The following FUT8 variants were observed in gnomAD, a reference collection of about 807,000 sequenced individuals.
FUT8 encodes alpha-(1,6)-fucosyltransferase.
A neutral mutation model predicts 71.3 loss-of-function variants in FUT8; 29 were observed. The ratio of observed to expected loss-of-function variants is 0.41; its 90% CI spans 0.30 to 0.55. FUT8 has a LOEUF of 0.55. Among genes scored for constraint, FUT8 ranks in the 20% least tolerant of loss-of-function variants. The pLI is 0.34. For synonymous variants in FUT8, 254 were observed against 239.3 expected, an observed-to-expected ratio of 1.06 and a Z score of -0.57; for missense variants, 544 against 702.1, an observed-to-expected ratio of 0.77 and a Z score of 2.55.
intron 1 of FUT8, among the ~76,000 whole-genome samples, chr14:65,424,576 C>T: frequency 7.5e-6 from 1 of 132,904 alleles, no homozygotes; most frequent in Non-Finnish European, 1.5e-5. Flanking sequence ...CTCATTCTGT[C>T]ACCCAGGCTG....
intron 7 of FUT8, among the ~76,000 whole-genome samples, chr14:65,680,968 T>C (rs560559412): frequency 1.3e-5 from 2 of 152,338 alleles, no homozygotes; most frequent in African/African-American, 2.4e-5. Context: ...TTGTGTACTT[T>C]TACTGATATA....
At position 65,546,743 on chromosome 14, in the gene FUT8, GTTTA is replaced by G. The variant is rs747803642; in HGVS notation, c.-227-14590_-227-14587del. Among the ~76,000 whole-genome samples, 56 of 151,812 alleles carry G rather than the reference GTTTA, an allele frequency of 3.7e-4. 2 individuals are homozygous for G. In the South Asian group the frequency reaches 5.2e-3, roughly 14 times the overall value. On this transcript the variant is annotated intron_variant, in intron 2 of 10. Transcript: ENST00000673929. ...TATATTTGCAAGAAATTGACAAGCT[GTTTA>G]TTTTTCTTTTTCCATTTTCTAGAAC...
chr14:65,696,476 AT>A (rs1437389718), intron 7 of FUT8, among the ~76,000 whole-genome samples: 1 of 151,602 alleles, frequency 6.6e-6, no homozygotes, highest in African/African-American at 2.4e-5. Flanking sequence ...GTTTTTCAAA[AT>A]TTTTTTCTGA....
At chr14:65,439,957 T>TATATATAC (rs2065622873) in intron 1 of FUT8, among the ~76,000 whole-genome samples, 1 of 94,928 alleles carries the variant, frequency 1.1e-5, no homozygotes. Flanking sequence ...TGTGTGTGTA[T>TATATATAC]ATATATATAT....
chr14:65,582,562 G>A (rs1200057679), intron 3 of FUT8, among the ~76,000 whole-genome samples: 1 of 152,138 alleles, frequency 6.6e-6, no homozygotes. Context: ...TTCAACCTAA[G>A]CGTGTCTTCT....
chr14:65,525,302 G>T (rs1291251969), intron 2 of FUT8, among the ~76,000 whole-genome samples: 2 of 152,180 alleles, frequency 1.3e-5, no homozygotes, highest in Admixed American at 6.5e-5. Flanking sequence ...GAGGGTGTAT[G>T]TGTCTAGGAA....
intron 1 of FUT8, among the ~76,000 whole-genome samples, chr14:65,433,223 A>G (rs2065503361): frequency 6.6e-6 from 1 of 151,854 alleles, no homozygotes; most frequent in African/African-American, 2.4e-5. Flanking sequence ...TTTTTTTTTG[A>G]TAACAGTTTA....
At position 65,743,922 on chromosome 14, in the gene FUT8, A is replaced by G. The variant is rs142456947; in HGVS notation, c.*1512A>G. ...TCAGGCCTAGTGTGAAATATTAGGG[A>G]TCCTAGGCAGAAGAGCTATTAGTCC... is the stretch of plus-strand genomic sequence containing the variant. On this transcript the variant is annotated 3_prime_UTR_variant, in exon 11 of 11. Coordinates refer to ENST00000673929, the MANE Select transcript of FUT8 (RefSeq NM_001371533.1). 1.3e-5 allele frequency: 2 copies of G among 151,860 alleles called. No individual in the cohort carries two copies. The highest frequency in any genetic ancestry group is 2.9e-5 in the Non-Finnish European group (2 of 67,864). 9.4% of individuals were successfully genotyped at this position (151,860 alleles called of 1,614,324 possible).
the FUT8 span, among the ~76,000 whole-genome samples, chr14:65,383,100 C>G: frequency 3.3e-5 from 5 of 152,034 alleles, no homozygotes; most frequent in Admixed American, 1.3e-4. Flanking sequence ...AACCAACGCC[C>G]CATTTTAGAA....
chr14:65,559,106 G>T (rs1326793168), intron 2 of FUT8, among the ~76,000 whole-genome samples: 1 of 151,914 alleles, frequency 6.6e-6, no homozygotes, highest in Non-Finnish European at 1.5e-5. Context: ...TAAATATTAC[G>T]ATTTTTATGG....
At chr14:65,477,973 T>G (rs2066272983) in intron 2 of FUT8, among the ~76,000 whole-genome samples, 1 of 152,078 alleles carries the variant, frequency 6.6e-6, no homozygotes, top group African/African-American at 2.4e-5. Flanking sequence ...TATAGCCAAG[T>G]CTAGATTGTA....
Position 65,418,592 on chromosome 14 carries a change from G to A in FUT8, c.-326+5378G>A, listed in dbSNP as rs117821787. 6.0e-3 allele frequency among the ~76,000 whole-genome samples: 918 copies of A among 152,256 alleles called. 11 individuals are homozygous for A. The highest frequency in any genetic ancestry group is 0.036 in the East Asian group (185 of 5,188). On this transcript the variant is annotated intron_variant, in intron 1 of 10. Coordinates refer to ENST00000673929, the MANE Select transcript of FUT8 (RefSeq NM_001371533.1). ...AGATATAATTTATAGATTCTGTATT[G>A]TCTGGGACCTTGGGGCAGTCAGTGA...
chr14:65,695,431 T>C (rs917992055), intron 7 of FUT8, among the ~76,000 whole-genome samples: 1 of 152,202 alleles, frequency 6.6e-6, no homozygotes, highest in Non-Finnish European at 1.5e-5. Context: ...GCTGATAATT[T>C]TTTTGTTTTT....
At chr14:65,564,280 G>A (rs984908100) in intron 3 of FUT8, among the ~76,000 whole-genome samples, 2 of 151,988 alleles carry the variant, frequency 1.3e-5, no homozygotes, top group Non-Finnish European at 2.9e-5. Context: ...TAACTAGGTC[G>A]TTTCTTTGAG....
chr14:65,527,615 G>A (rs907500505), intron 2 of FUT8, among the ~76,000 whole-genome samples: 1 of 152,012 alleles, frequency 6.6e-6, no homozygotes, highest in Non-Finnish European at 1.5e-5. Flanking sequence ...TTTGGAGGGG[G>A]AGAGGCGCTC....
intron 7 of FUT8, among the ~76,000 whole-genome samples, chr14:65,692,646 C>T (rs1249873848): frequency 2.0e-5 from 3 of 151,134 alleles, no homozygotes; most frequent in African/African-American, 4.9e-5. Context: ...GGCTGCCGGG[C>T]GGAGACGCTC....
chr14:65,415,069 C>T (rs1010089957), intron 1 of FUT8, among the ~76,000 whole-genome samples: 4 of 152,088 alleles, frequency 2.6e-5, no homozygotes, highest in Non-Finnish European at 4.4e-5. Flanking sequence ...GTTATTTTTA[C>T]GCAATTGGAG....
At chr14:65,518,131 C>T (rs1348536085) in intron 2 of FUT8, among the ~76,000 whole-genome samples, 2 of 152,072 alleles carry the variant, frequency 1.3e-5, no homozygotes, top group African/African-American at 4.8e-5. Flanking sequence ...TCTATGTGTG[C>T]AAGCTGGACC....
upstream of FUT8, among the ~76,000 whole-genome samples, chr14:65,406,263 C>T (rs575910758): frequency 6.6e-6 from 1 of 152,316 alleles, no homozygotes; most frequent in Admixed American, 6.5e-5. Flanking sequence ...TTATTTTATA[C>T]AACCCCATGA....
Sources: gnomAD v4.1 joint callset for allele counts (sites outside exome capture counted in the v4.1 genomes callset) on GRCh38, gnomAD v4.1.1 for gene constraint, MANE v1.5 for transcripts, NCBI Gene and HGNC (gene_info 2026-07-23, HGNC 2026-07-21) for gene names.